DLG2: variants seen among roughly 807,000 people sequenced by gnomAD.
DLG2 encodes disks large homolog 2.
Under a neutral mutation model 132.5 loss-of-function variants are expected in DLG2, and 45 were observed. That is an observed-to-expected ratio of 0.34 (90% confidence interval 0.27 to 0.44). DLG2 has a LOEUF of 0.44. DLG2 is among the 20% of genes least tolerant of loss of function. The probability of loss-of-function intolerance (pLI) is 1.00; values close to 1 mark genes in which losing one functional copy is unlikely to be tolerated. For synonymous variants in DLG2, 424 were observed against 419.6 expected (o/e 1.01, Z -0.13); for missense variants, 1,045 against 1,196.9 (o/e 0.87, Z 1.87).
At chr11:84,727,273 A>C (rs1397934229) in intron 6 of DLG2, among the ~76,000 whole-genome samples, 1 of 152,152 alleles carries the variant, frequency 6.6e-6, no homozygotes, top group Non-Finnish European at 1.5e-5. Flanking sequence ...ATTTTTGTAT[A>C]AGGTGTAAGG....
Position 85,574,132 on chromosome 11 carries a change from T to C in DLG2, c.40+24525A>G, listed in dbSNP as rs2078009898. Among the ~76,000 whole-genome samples the C allele has an allele frequency of 2.0e-5, 3 of 152,174 alleles. No homozygotes were observed. The South Asian group carries it at 6.2e-4, about 31-fold the overall frequency. ...CATTTGGCAAGAAAATAATGTTAAC[T>C]ACCTCAGTTGTGAATATTATCAAGC... On this transcript the variant is annotated intron_variant, in intron 3 of 27. Transcript: ENST00000376104.
At chr11:85,432,701 T>C (rs2091261034) in intron 3 of DLG2, among the ~76,000 whole-genome samples, 2 of 151,734 alleles carry the variant, frequency 1.3e-5, no homozygotes, top group African/African-American at 4.8e-5. Flanking sequence ...CTGATTAGAG[T>C]ACCTGAAAGA....
At chr11:84,448,595 C>A (rs1185030133) in intron 7 of DLG2, among the ~76,000 whole-genome samples, 1 of 151,948 alleles carries the variant, frequency 6.6e-6, no homozygotes, top group Non-Finnish European at 1.5e-5. Flanking sequence ...TTATATGTGA[C>A]AAATCTTGAC....
At chr11:84,754,214 G>C (rs1345933208) in intron 6 of DLG2, among the ~76,000 whole-genome samples, 1 of 152,164 alleles carries the variant, frequency 6.6e-6, no homozygotes, top group Admixed American at 6.5e-5. Flanking sequence ...AAACAAGTGA[G>C]TGGATGTAGA....
At chr11:85,266,821 C>CA in intron 4 of DLG2, among the ~76,000 whole-genome samples, 1 of 152,276 alleles carries the variant, frequency 6.6e-6, no homozygotes, top group East Asian at 1.9e-4. Flanking sequence ...GATGAAGAAA[C>CA]ATTTGCTTCA....
chr11:84,915,887 T>C (rs1047051964), intron 6 of DLG2, among the ~76,000 whole-genome samples: 16 of 152,132 alleles, frequency 1.1e-4, no homozygotes, highest in Non-Finnish European at 1.3e-4. Flanking sequence ...AAAATACATA[T>C]AAGAGACACA....
Position 85,087,767 on chromosome 11 carries a change from A to G in DLG2, c.357+23894T>C, listed in dbSNP as rs1044993475. Among the ~76,000 whole-genome samples the G allele has an allele frequency of 2.1e-5, 3 of 143,110 alleles. No individual in the cohort carries two copies. The Admixed American group carries it at 2.1e-4, about 10-fold the overall frequency. 93.9% of individuals were successfully genotyped at this position (143,110 alleles called of 152,430 possible). Reference sequence around the variant, plus strand: ...GCAGGAGAATGGCGTGAACCCGGGAAGCGGAGCTTGCAGTGAGCCGAGATT... The same window carrying G: ...GCAGGAGAATGGCGTGAACCCGGGAGGCGGAGCTTGCAGTGAGCCGAGATT... On this transcript the variant is annotated intron_variant, in intron 6 of 27. Coordinates refer to ENST00000376104, the MANE Select transcript of DLG2 (RefSeq NM_001142699.3).
intron 6 of DLG2, among the ~76,000 whole-genome samples, chr11:84,922,330 T>C (rs1018696449): frequency 7.9e-5 from 12 of 152,186 alleles, no homozygotes; most frequent in African/African-American, 2.9e-4. Flanking sequence ...ATTATGCAAC[T>C]GGAATTCCAC....
At chr11:83,712,027 T>G (rs1425681012) in intron 18 of DLG2, among the ~76,000 whole-genome samples, 1 of 151,838 alleles carries the variant, frequency 6.6e-6, no homozygotes, top group Non-Finnish European at 1.5e-5. Context: ...CTTGGTGAGG[T>G]TGCAGGAAAA....
At chr11:83,550,004 G>T (rs1005560186) in intron 19 of DLG2, among the ~76,000 whole-genome samples, 1 of 152,134 alleles carries the variant, frequency 6.6e-6, no homozygotes, top group African/African-American at 2.4e-5. Context: ...TCATTTTATC[G>T]AAGGGAAGAT....
intron 11 of DLG2, among the ~76,000 whole-genome samples, chr11:84,013,171 T>C (rs946232497): frequency 6.6e-6 from 1 of 152,142 alleles, no homozygotes; most frequent in Non-Finnish European, 1.5e-5. Context: ...TTGCAGAACC[T>C]GAGCTAAAAG....
At chr11:85,582,391 AAG>A (rs890679149) in intron 3 of DLG2, among the ~76,000 whole-genome samples, 3 of 152,180 alleles carry the variant, frequency 2.0e-5, no homozygotes, top group African/African-American at 7.2e-5. Flanking sequence ...CATAAAACAT[AAG>A]AGTGGGTGGC....
intron 15 of DLG2, among the ~76,000 whole-genome samples, chr11:83,898,275 G>T (rs76341317): frequency 0.025 from 3,838 of 152,078 alleles, 176 homozygotes; most frequent in African/African-American, 0.087. Flanking sequence ...CTATATATTG[G>T]ATATGTAAAT....
intron 6 of DLG2, among the ~76,000 whole-genome samples, chr11:84,930,157 A>T (rs923430729): frequency 6.6e-5 from 10 of 152,132 alleles, no homozygotes; most frequent in Admixed American, 2.6e-4. Context: ...ATCAGAGGCT[A>T]TCTTTTTATG....
chr11:85,596,007 C>G (rs2079729701), intron 3 of DLG2, among the ~76,000 whole-genome samples: 1 of 152,098 alleles, frequency 6.6e-6, no homozygotes. Context: ...AATCCAAATA[C>G]TTTGGGAGGT....
intron 10 of DLG2, among the ~76,000 whole-genome samples, chr11:84,060,658 A>G (rs1445972332): frequency 6.6e-6 from 1 of 152,086 alleles, no homozygotes; most frequent in East Asian, 1.9e-4. Flanking sequence ...CATGATAATA[A>G]TTAGTGATAA....
chr11:83,845,425 T>C (rs2058427499), intron 16 of DLG2, among the ~76,000 whole-genome samples: 1 of 152,192 alleles, frequency 6.6e-6, no homozygotes, highest in Admixed American at 6.5e-5. Context: ...TGCAGTATAA[T>C]GTGTGCCTCA....
At chr11:84,934,103 A>C (rs2154092773) in intron 6 of DLG2, among the ~76,000 whole-genome samples, 1 of 152,076 alleles carries the variant, frequency 6.6e-6, no homozygotes, top group African/African-American at 2.4e-5. Context: ...TTTTATTGAA[A>C]TCCTCTTCTG....
At chr11:84,112,316 C>T (rs1052537884) in intron 9 of DLG2, among the ~76,000 whole-genome samples, 2 of 113,322 alleles carry the variant, frequency 1.8e-5, no homozygotes, top group African/African-American at 6.1e-5. Context: ...TTTCTTTTTA[C>T]TTTTCCTTTT....
Sources: gnomAD v4.1 joint callset for allele counts (sites outside exome capture counted in the v4.1 genomes callset) on GRCh38, gnomAD v4.1.1 for gene constraint, MANE v1.5 for transcripts, NCBI Gene and HGNC (gene_info 2026-07-23, HGNC 2026-07-21) for gene names.